CSNK1G1: variants seen among roughly 807,000 people sequenced by gnomAD.
CSNK1G1 encodes the protein casein kinase I isoform gamma-1.
CSNK1G1 carries 22 observed loss-of-function variants against 59.6 expected under a neutral mutation model. The observed-to-expected ratio is 0.37, with a 90% confidence interval of 0.26 to 0.53. The LOEUF (loss-of-function observed/expected upper bound fraction) is 0.53, where lower values mean the gene tolerates loss of function less well. Among genes scored for constraint, CSNK1G1 ranks in the 20% least tolerant of loss-of-function variants. The pLI is 0.89. For missense variants in CSNK1G1, 384 were observed against 519.5 expected, an observed-to-expected ratio of 0.74 and a Z score of 2.54; for synonymous variants, 179 against 177.1, an observed-to-expected ratio of 1.01 and a Z score of -0.08.
At chr15:64,235,919 T>C (rs962084511) in intron 4 of CSNK1G1, among the ~76,000 whole-genome samples, 9 of 151,958 alleles carry the variant, frequency 5.9e-5, no homozygotes, top group African/African-American at 1.7e-4. Flanking sequence ...ACTCTATCCA[T>C]AGGGAACATA....
At chr15:64,303,694 G>C (rs1243529799) in intron 1 of CSNK1G1, among the ~76,000 whole-genome samples, 1 of 150,428 alleles carries the variant, frequency 6.6e-6, no homozygotes, top group African/African-American at 2.4e-5. Flanking sequence ...AGGTTGCAGT[G>C]AGCCGAGATC....
chr15:64,278,904 T>A (rs1216807304), intron 2 of CSNK1G1, among the ~76,000 whole-genome samples: 1 of 152,202 alleles, frequency 6.6e-6, no homozygotes, highest in Non-Finnish European at 1.5e-5. Context: ...GTGTTTCACT[T>A]TTTTTTAAGT....
intron 1 of CSNK1G1, among the ~76,000 whole-genome samples, chr15:64,334,850 G>C (rs1480572451): frequency 2.0e-5 from 3 of 152,178 alleles, no homozygotes; most frequent in African/African-American, 7.2e-5. Context: ...GACCACTACT[G>C]GTCTGTGGCC....
chr15:64,166,248 AAAT>A lies in CSNK1G1; in HGVS notation c.*5680_*5682del. ...CAATGGGCAAAGATCAAAGACAGAT[AAAT>A]AATAATATAATAAATTAGAGCATGT... On this transcript the variant is annotated 3_prime_UTR_variant, in exon 12 of 12. Coordinates refer to ENST00000303052, the MANE Select transcript of CSNK1G1 (RefSeq NM_022048.5). This position sits in a 1 kb window ranked among gnomAD's most constrained non-coding sequence, Gnocchi z 4.5. The A allele has an allele frequency of 2.5e-6, 1 of 398,120 alleles. No homozygotes were observed. Among genetic ancestry groups the A allele is most frequent in the Admixed American group, 4.4e-5 (1 of 22,488 alleles). The allele number at this position is 398,120 out of a possible 1,614,324, so 24.7% of individuals were successfully genotyped here.
chr15:64,187,923 C>G (rs190324976), intron 10 of CSNK1G1, among the ~76,000 whole-genome samples: 30 of 152,322 alleles, frequency 2.0e-4, no homozygotes, highest in Admixed American at 1.4e-3. Context: ...TGGGTACCCA[C>G]TCAGAAACAG....
rs778438377 is a variant in CSNK1G1 at position 64,204,469 on chromosome 15, T to C, written c.971A>G (p.Tyr324Cys). The stretch of plus-strand genomic sequence containing the variant: ...AGGTCTCCCAACCCAATCATAGGCA[T>C]AGTCAAAGGTGTAGCCTTTCTTTTC... ...LFEKKGYTFDYAYDWVGRPIP... is the reference protein window; with the variant it reads ...LFEKKGYTFDCAYDWVGRPIP... The change falls in exon 9 of 12, where the codon TAT becomes TGT. Residue 324 changes from tyrosine to cysteine, a missense_variant. Physicochemically the swap from Tyr to Cys is radical, Grantham distance 194 (BLOSUM62 -2). Around this residue, in one of 3 missense-constraint regions of CSNK1G1, gnomAD observed 325 missense variants for 440.9 expected, o/e 0.74. Transcript: ENST00000303052. 1 of 1,599,398 alleles carries C rather than the reference T, an allele frequency of 6.3e-7. No homozygotes were observed. Among genetic ancestry groups the C allele is most frequent in the Non-Finnish European group, 8.5e-7 (1 of 1,174,490 alleles).
intron 1 of CSNK1G1, among the ~76,000 whole-genome samples, chr15:64,301,524 ACTG>A (rs1283514713): frequency 2.0e-5 from 3 of 152,170 alleles, no homozygotes; most frequent in Non-Finnish European, 4.4e-5. Context: ...AAAAAAAAAT[ACTG>A]CTATCACCAA....
chr15:64,294,498 T>TA lies in CSNK1G1; in HGVS notation c.181+5820dup, dbSNP rs1200142290. On this transcript the variant is annotated intron_variant, in intron 2 of 11. Coordinates refer to ENST00000303052, the MANE Select transcript of CSNK1G1 (RefSeq NM_022048.5). ...TCCACAGACACCTCTAAAGTAGAAT[T>TA]AAAAAAAAATTTTAAGCAATAAGTG... 2.0e-5 allele frequency among the ~76,000 whole-genome samples: 3 copies of TA among 151,892 alleles called. No individual in the cohort carries two copies. In the East Asian group the frequency reaches 5.8e-4, roughly 29 times the overall value.
chr15:64,217,348 G>GA (rs560174350), intron 4 of CSNK1G1, among the ~76,000 whole-genome samples: 1 of 152,120 alleles, frequency 6.6e-6, no homozygotes, highest in African/African-American at 2.4e-5. Flanking sequence ...GGAAAAGGGG[G>GA]AAAAAACACA....
At chr15:64,260,680 GTAAGCCAAGAT>G (rs1217217530) in intron 2 of CSNK1G1, among the ~76,000 whole-genome samples, 12 of 152,096 alleles carry the variant, frequency 7.9e-5, no homozygotes, top group Non-Finnish European at 1.8e-4. Flanking sequence ...GTAGGCTACA[GTAAGCCAAGAT>G]TACACCACTG....
At chr15:64,265,946 T>C (rs941409614) in intron 2 of CSNK1G1, 8 of 414,738 alleles carry the variant, frequency 1.9e-5, no homozygotes, top group Admixed American at 1.4e-4. Context: ...TAGCCAGGTG[T>C]AGGGGTAAGT....
intron 1 of CSNK1G1, among the ~76,000 whole-genome samples, chr15:64,305,287 A>T (rs1895613263): frequency 6.6e-6 from 1 of 152,198 alleles, no homozygotes; most frequent in Non-Finnish European, 1.5e-5. Context: ...TTAAGCAAAA[A>T]TGATATCTGT....
chr15:64,331,993 A>C (rs909810297), intron 1 of CSNK1G1, among the ~76,000 whole-genome samples: 1 of 152,052 alleles, frequency 6.6e-6, no homozygotes, highest in Non-Finnish European at 1.5e-5. Flanking sequence ...CACACCAGTT[A>C]GAATGAATAT....
At chr15:64,191,386 T>C (rs755224316) in intron 10 of CSNK1G1, among the ~76,000 whole-genome samples, 32 of 152,110 alleles carry the variant, frequency 2.1e-4, no homozygotes, top group Non-Finnish European at 3.5e-4. Context: ...GCAGATAAAA[T>C]AGAAAATGGC....
Position 64,213,870 on chromosome 15 carries a change from T to C in CSNK1G1, c.679+20A>G, listed in dbSNP as rs755032687. The C allele has an allele frequency of 6.4e-5, 98 of 1,524,008 alleles. No homozygotes were observed. The highest frequency in any genetic ancestry group is 8.4e-5 in the Non-Finnish European group (92 of 1,098,752). The allele number at this position is 1,524,008 out of a possible 1,614,324, so 94.4% of individuals were successfully genotyped here. ...CTGTTCTAATGACTCGCCCCTTTCATGGAACAGAAAAAAACACACCTTTGC... is the reference window on the plus strand; with the variant it reads ...CTGTTCTAATGACTCGCCCCTTTCACGGAACAGAAAAAAACACACCTTTGC... On this transcript the variant is annotated intron_variant, in intron 6 of 11. Coordinates refer to ENST00000303052, the MANE Select transcript of CSNK1G1 (RefSeq NM_022048.5).
chr15:64,167,220 T>C lies in CSNK1G1; in HGVS notation c.*4711A>G, dbSNP rs1373665875. On this transcript the variant is annotated 3_prime_UTR_variant, in exon 12 of 12. Transcript: ENST00000303052. ...AAAGACTTTCAAGATTCCTTACTTG[T>C]GGCTAAAACATTGCTCAAAAAGGAT... 1 of 152,220 alleles carries C rather than the reference T, an allele frequency of 6.6e-6. No homozygotes were observed. Among genetic ancestry groups the C allele is most frequent in the African/African-American group, 2.4e-5 (1 of 41,440 alleles). 9.4% of individuals were successfully genotyped at this position (152,220 alleles called of 1,614,324 possible).
intron 4 of CSNK1G1, among the ~76,000 whole-genome samples, chr15:64,238,514 AAAAAATAT>A (rs2082646956): frequency 1.9e-5 from 2 of 107,620 alleles, no homozygotes; most frequent in African/African-American, 9.5e-5. Context: ...AAAAAAAAAA[AAAAAATAT>A]ATATATATAT....
At chr15:64,224,977 A>G (rs1453169252) in intron 4 of CSNK1G1, among the ~76,000 whole-genome samples, 1 of 151,190 alleles carries the variant, frequency 6.6e-6, no homozygotes, top group Non-Finnish European at 1.5e-5. Context: ...GATTTCTTCT[A>G]TAGTAGATAG....
chr15:64,239,682 AAAT>A (rs2082668746), intron 4 of CSNK1G1, among the ~76,000 whole-genome samples: 1 of 152,172 alleles, frequency 6.6e-6, no homozygotes, highest in South Asian at 2.1e-4. Flanking sequence ...GCCTGACCTA[AAAT>A]AATAATCTTA....
Sources: allele counts gnomAD v4.1 joint callset (sites outside exome capture counted in the v4.1 genomes callset), GRCh38; gene constraint gnomAD v4.1.1; regional missense constraint gnomAD v4.1.1; non-coding constraint Gnocchi (gnomAD v3.1); transcripts MANE v1.5; gene names NCBI Gene and HGNC (gene_info 2026-07-23, HGNC 2026-07-21).